Variants in CCBE1 observed in about 807,000 individuals in gnomAD.
CCBE1 encodes the protein collagen and calcium-binding EGF domain-containing protein 1.
CCBE1 carries 37 observed loss-of-function variants against 50.0 expected under a neutral mutation model. The observed-to-expected ratio is 0.74, with a 90% CI of 0.57 to 0.97. The LOEUF (loss-of-function observed/expected upper bound fraction) is 0.97, where lower values mean the gene tolerates loss of function less well. CCBE1 is among the 50% of genes least tolerant of loss of function. The pLI, the probability that CCBE1 is intolerant of heterozygous loss-of-function variation, is 0.00. For synonymous variants in CCBE1, 234 were observed against 203.7 expected (o/e 1.15, Z -1.27); for missense variants, 538 against 523.8 (o/e 1.03, Z -0.26).
chr18:59,462,830 G>A (rs1911556994), intron 5 of CCBE1, among the ~76,000 whole-genome samples: 1 of 152,196 alleles, frequency 6.6e-6, no homozygotes, highest in African/African-American at 2.4e-5. Flanking sequence ...CAGCTCACAG[G>A]AACCCACAGG....
intron 3 of CCBE1, among the ~76,000 whole-genome samples, chr18:59,478,654 C>CT (rs1412578268): frequency 6.6e-6 from 1 of 152,176 alleles, no homozygotes; most frequent in Non-Finnish European, 1.5e-5. Context: ...GAAAGAAACT[C>CT]TAAGTATGTG....
intron 2 of CCBE1, among the ~76,000 whole-genome samples, chr18:59,545,977 CCTATATAATGCATT>C (rs1289682162): frequency 2.0e-5 from 3 of 152,096 alleles, no homozygotes; most frequent in African/African-American, 7.2e-5. Flanking sequence ...AATCAACATC[CCTATATAATGCATT>C]CTAGGGAGCT....
At chr18:59,520,832 G>C (rs1400188441) in intron 2 of CCBE1, among the ~76,000 whole-genome samples, 1 of 152,196 alleles carries the variant, frequency 6.6e-6, no homozygotes, top group Non-Finnish European at 1.5e-5. Flanking sequence ...AAAATCATAA[G>C]ATCCTGACAC....
chr18:59,460,339 A>G lies in CCBE1; in HGVS notation c.554-5388T>C, dbSNP rs1189070592. On this transcript the variant is annotated intron_variant, in intron 5 of 10. Transcript: ENST00000439986. The stretch of plus-strand genomic sequence containing the variant: ...AGGCATTAGATATGCAAAGTTAAAA[A>G]GGAAAACCAAGGAGGAAGAGATGAT... Among the ~76,000 whole-genome samples, 6 of 152,340 alleles carry G rather than the reference A, an allele frequency of 3.9e-5. No homozygotes were observed. The East Asian group carries it at 1.2e-3, about 29-fold the overall frequency.
chr18:59,452,578 G>C (rs1472934800), intron 6 of CCBE1, among the ~76,000 whole-genome samples: 10 of 152,160 alleles, frequency 6.6e-5, no homozygotes, highest in Non-Finnish European at 2.9e-5. Context: ...GGGCGACAGA[G>C]CGAGACTTCA....
At chr18:59,686,506 A>G (rs2054655928) in intron 2 of CCBE1, among the ~76,000 whole-genome samples, 1 of 152,202 alleles carries the variant, frequency 6.6e-6, no homozygotes, top group South Asian at 2.1e-4. Context: ...TATAAAGACA[A>G]GCTAGAACAG....
intron 2 of CCBE1, among the ~76,000 whole-genome samples, chr18:59,550,146 G>C (rs1289057307): frequency 6.6e-6 from 1 of 151,904 alleles, no homozygotes; most frequent in Non-Finnish European, 1.5e-5. Context: ...AAACCCTATA[G>C]ATACCCAAGC....
chr18:59,694,724 G>T (rs1255654984), intron 2 of CCBE1, among the ~76,000 whole-genome samples: 1 of 152,162 alleles, frequency 6.6e-6, no homozygotes, highest in Non-Finnish European at 1.5e-5. Flanking sequence ...CTATTCTTGG[G>T]ATTCAAGAAG....
intron 2 of CCBE1, among the ~76,000 whole-genome samples, chr18:59,543,845 A>AAAAAAG (rs1555690335): frequency 4.0e-4 from 59 of 147,044 alleles, no homozygotes; most frequent in African/African-American, 1.5e-3. Context: ...AAAAAAAAAA[A>AAAAAAG]AAAAAAAAAA....
At chr18:59,536,468 G>A (rs569576782) in intron 2 of CCBE1, among the ~76,000 whole-genome samples, 71 of 152,256 alleles carry the variant, frequency 4.7e-4, no homozygotes, top group African/African-American at 1.6e-3. Context: ...AAATACCGAA[G>A]ACAATTTCAA....
rs373652074 is a variant in CCBE1 at position 59,433,891 on chromosome 18, C to CTTTTTTTTTTT, written c.*2006_*2016dup. ...ACAGGCATGAGCCACCAAGCCCGGC[C>CTTTTTTTTTTT]TTTTTTTTTTTTTTTTTTTTTTTTT... is the stretch of plus-strand genomic sequence containing the variant. On this transcript the variant is annotated 3_prime_UTR_variant, in exon 11 of 11. Coordinates refer to ENST00000439986, the MANE Select transcript of CCBE1 (RefSeq NM_133459.4). The CTTTTTTTTTTT allele has an allele frequency of 2.9e-5, 2 of 70,054 alleles. No homozygotes were observed. The highest frequency in any genetic ancestry group is 1.2e-4 in the African/African-American group (2 of 16,452). The allele number at this position is 70,054 out of a possible 1,614,324, so 4.3% of individuals were successfully genotyped here. A position where few individuals can be genotyped will look rare whatever the true frequency, so the allele number is the denominator to read the frequency against.
chr18:59,631,513 G>C lies in CCBE1; in HGVS notation c.212+65116C>G, dbSNP rs113273704. On this transcript the variant is annotated intron_variant, in intron 2 of 10. Transcript: ENST00000439986. ...TCCAAAAGATTAAAAGGCACTTATG[G>C]AATGAGCCTCTAATGCTAGATGTCA... Among the ~76,000 whole-genome samples, 5 of 152,274 alleles carry C rather than the reference G, an allele frequency of 3.3e-5. 1 individual carries two copies. The East Asian group carries it at 5.8e-4, about 18-fold the overall frequency.
chr18:59,599,727 A>G (rs550507183), intron 2 of CCBE1, among the ~76,000 whole-genome samples: 1 of 152,294 alleles, frequency 6.6e-6, no homozygotes, highest in African/African-American at 2.4e-5. Context: ...CAGGAGCAAT[A>G]ATTCCTACCT....
chr18:59,671,916 G>A (rs76417239), intron 2 of CCBE1, among the ~76,000 whole-genome samples: 1,614 of 152,110 alleles, frequency 0.011, 38 homozygotes, highest in African/African-American at 0.036. Flanking sequence ...CTGGCAGGAC[G>A]CTGGTTTGCA....
chr18:59,620,669 T>C (rs1468256432), intron 2 of CCBE1, among the ~76,000 whole-genome samples: 1 of 152,126 alleles, frequency 6.6e-6, no homozygotes, highest in African/African-American at 2.4e-5. Context: ...TCTCACAAGA[T>C]CTGATGGTTT....
chr18:59,685,083 G>A (rs1040167608), intron 2 of CCBE1, among the ~76,000 whole-genome samples: 3 of 152,148 alleles, frequency 2.0e-5, no homozygotes, highest in Non-Finnish European at 2.9e-5. Flanking sequence ...AATATACTGA[G>A]CCATGTTTAT....
At chr18:59,601,081 G>C (rs937559963) in intron 2 of CCBE1, among the ~76,000 whole-genome samples, 2 of 132,452 alleles carry the variant, frequency 1.5e-5, no homozygotes, top group African/African-American at 5.9e-5. Context: ...TCCCAGGCTG[G>C]AGTGCAGTGG....
intron 2 of CCBE1, among the ~76,000 whole-genome samples, chr18:59,497,930 T>G (rs952088548): frequency 1.3e-5 from 2 of 152,162 alleles, no homozygotes; most frequent in African/African-American, 4.8e-5. Flanking sequence ...TGTCCAGGGC[T>G]CTAAACAAAC....
At chr18:59,650,200 T>A (rs2054108696) in intron 2 of CCBE1, among the ~76,000 whole-genome samples, 1 of 152,026 alleles carries the variant, frequency 6.6e-6, no homozygotes, top group Non-Finnish European at 1.5e-5. Flanking sequence ...AAGAGGGAAC[T>A]GTTTCTTTTA....
Sources: allele counts gnomAD v4.1 joint callset (sites outside exome capture counted in the v4.1 genomes callset), GRCh38; gene constraint gnomAD v4.1.1; transcripts MANE v1.5; gene names NCBI Gene and HGNC (gene_info 2026-07-23, HGNC 2026-07-21).